Variants in NKAIN3 observed in about 807,000 individuals in gnomAD.
NKAIN3 encodes sodium/potassium-transporting ATPase subunit beta-1-interacting protein 3.
A neutral mutation model predicts 30.2 loss-of-function variants in NKAIN3; 25 were observed. The observed-to-expected ratio is 0.83, with a 90% CI of 0.60 to 1.16. The LOEUF (loss-of-function observed/expected upper bound fraction) is 1.16, where lower values mean the gene tolerates loss of function less well. Among genes scored for constraint, NKAIN3 ranks in the 50% most tolerant of loss-of-function variants. The pLI is 0.00. For missense variants in NKAIN3, 225 were observed against 254.1 expected (o/e 0.89, Z 0.78); for synonymous variants, 91 against 89.6 (o/e 1.02, Z -0.09).
At chr8:62,863,454 C>T in intron 4 of NKAIN3, 1 of 1,551,770 alleles carries the variant, frequency 6.4e-7, no homozygotes, top group Non-Finnish European at 8.8e-7. Context: ...GATATTCTAA[C>T]CCTTGAAGGA....
chr8:62,750,084 A>G (rs552776714), intron 4 of NKAIN3, among the ~76,000 whole-genome samples: 1 of 152,182 alleles, frequency 6.6e-6, no homozygotes, highest in South Asian at 2.1e-4. Flanking sequence ...TGATGGTCGC[A>G]ATATTTAACA....
At chr8:62,542,291 G>A (rs1301396364) in intron 1 of NKAIN3, among the ~76,000 whole-genome samples, 1 of 152,148 alleles carries the variant, frequency 6.6e-6, no homozygotes, top group Non-Finnish European at 1.5e-5. Flanking sequence ...TATCTAGAGG[G>A]TAAGTGTTCC....
intron 3 of NKAIN3, among the ~76,000 whole-genome samples, chr8:62,647,163 G>A (rs1380111090): frequency 1.3e-5 from 2 of 152,220 alleles, no homozygotes; most frequent in East Asian, 1.9e-4. Flanking sequence ...CTTCCACCTC[G>A]GAGCTGACAT....
intron 1 of NKAIN3, among the ~76,000 whole-genome samples, chr8:62,272,309 A>C (rs562540810): frequency 1.3e-5 from 2 of 152,222 alleles, no homozygotes; most frequent in South Asian, 4.1e-4. Flanking sequence ...TAGTGTTGGG[A>C]GTATGGGGGA....
chr8:62,675,906 G>C (rs1300506818), intron 3 of NKAIN3, among the ~76,000 whole-genome samples: 2 of 152,116 alleles, frequency 1.3e-5, no homozygotes, highest in Admixed American at 6.5e-5. Flanking sequence ...ATTTGACATT[G>C]TTTTCTCTAT....
intron 4 of NKAIN3, among the ~76,000 whole-genome samples, chr8:62,755,137 T>G (rs1298316090): frequency 6.6e-6 from 1 of 152,176 alleles, no homozygotes; most frequent in Non-Finnish European, 1.5e-5. Flanking sequence ...TTATAGTCAT[T>G]TTATATGTGT....
At chr8:62,875,772 C>T (rs1820777782) in intron 4 of NKAIN3, among the ~76,000 whole-genome samples, 1 of 152,138 alleles carries the variant, frequency 6.6e-6, no homozygotes, top group African/African-American at 2.4e-5. Context: ...ACAGGCTAGC[C>T]ATATGTAGAA....
chr8:62,864,085 A>T, intron 4 of NKAIN3: 2 of 654,324 alleles, frequency 3.1e-6, no homozygotes, highest in Non-Finnish European at 5.5e-6. Context: ...GCTCATTCCG[A>T]CGCGGCGCAA....
At chr8:62,996,956 C>A (rs1217719310) in intron 5 of NKAIN3, among the ~76,000 whole-genome samples, 1 of 152,142 alleles carries the variant, frequency 6.6e-6, no homozygotes, top group Non-Finnish European at 1.5e-5. Context: ...TTTCCAGGCA[C>A]ACGGTGCAAG....
At chr8:62,691,602 G>T (rs1237337946) in intron 3 of NKAIN3, among the ~76,000 whole-genome samples, 1 of 152,172 alleles carries the variant, frequency 6.6e-6, no homozygotes, top group African/African-American at 2.4e-5. Flanking sequence ...ATTTGAGAAT[G>T]TTAAATTCTA....
At chr8:62,736,496 C>T (rs559077739) in intron 3 of NKAIN3, among the ~76,000 whole-genome samples, 3 of 152,258 alleles carry the variant, frequency 2.0e-5, no homozygotes, top group South Asian at 4.1e-4. Flanking sequence ...TCAGCTCCCA[C>T]GCAGCACCAA....
At chr8:62,569,764 A>G (rs1038069047) in intron 1 of NKAIN3, among the ~76,000 whole-genome samples, 28 of 151,468 alleles carry the variant, frequency 1.8e-4, no homozygotes, top group African/African-American at 5.8e-4. Flanking sequence ...CAGTAGAGTG[A>G]GACTGTCTGA....
At chr8:62,516,828 T>A (rs1407690853) in intron 1 of NKAIN3, among the ~76,000 whole-genome samples, 1 of 152,110 alleles carries the variant, frequency 6.6e-6, no homozygotes, top group Non-Finnish European at 1.5e-5. Flanking sequence ...AACTGTCAAT[T>A]TGATATTTTC....
rs368400278 is a variant in NKAIN3, at chr8:62,579,179, T to G, written c.55-360T>G. Among the ~76,000 whole-genome samples, 130 of 152,104 alleles carry G rather than the reference T, an allele frequency of 8.5e-4. 2 individuals carry two copies. The South Asian group carries it at 0.026, about 31-fold the overall frequency. ...ACCCCATAAATATATATACCTATGA[T>G]GTACCCCTCATAATTAAACATAATT... On this transcript the variant is annotated intron_variant, in intron 1 of 6. Transcript: ENST00000623646.
chr8:62,874,787 C>T (rs564740840), intron 4 of NKAIN3, among the ~76,000 whole-genome samples: 31 of 152,264 alleles, frequency 2.0e-4, no homozygotes, highest in South Asian at 2.1e-4. Flanking sequence ...TAAAAACTCT[C>T]AATAAACTAG....
At chr8:62,394,570 C>T (rs1189728816) in intron 1 of NKAIN3, among the ~76,000 whole-genome samples, 1 of 152,182 alleles carries the variant, frequency 6.6e-6, no homozygotes, top group Non-Finnish European at 1.5e-5. Flanking sequence ...CCACTTCACA[C>T]TTGGAGGGTT....
chr8:62,870,514 C>A (rs1245371749), intron 4 of NKAIN3, among the ~76,000 whole-genome samples: 5 of 133,578 alleles, frequency 3.7e-5, no homozygotes, highest in African/African-American at 1.4e-4. Context: ...ACAATATGTA[C>A]GTATATATGT....
intron 2 of NKAIN3, among the ~76,000 whole-genome samples, chr8:62,584,372 G>A (rs555909280): frequency 6.6e-6 from 1 of 152,154 alleles, no homozygotes; most frequent in Non-Finnish European, 1.5e-5. Context: ...CAAAAACACA[G>A]ATAATTTACT....
At chr8:62,557,564 C>A (rs756925182) in intron 1 of NKAIN3, among the ~76,000 whole-genome samples, 6 of 152,106 alleles carry the variant, frequency 3.9e-5, no homozygotes, top group Non-Finnish European at 8.8e-5. Context: ...TCCACGCCAG[C>A]ATCTACTGGT....
Sources: gnomAD v4.1 joint callset for allele counts (sites outside exome capture counted in the v4.1 genomes callset) on GRCh38, gnomAD v4.1.1 for gene constraint, MANE v1.5 for transcripts, NCBI Gene and HGNC (gene_info 2026-07-23, HGNC 2026-07-21) for gene names.